The following SDK1 variants were observed in gnomAD, a reference collection of about 807,000 sequenced individuals.
SDK1 encodes protein sidekick-1.
A neutral mutation model predicts 245.5 loss-of-function variants in SDK1; 157 were observed. The observed-to-expected ratio is 0.64, with a 90% confidence interval of 0.56 to 0.73. The LOEUF is 0.73. Among genes scored for constraint, SDK1 ranks in the 30% least tolerant of loss-of-function variants. The pLI, the probability that SDK1 is intolerant of heterozygous loss-of-function variation, is 0.00. For synonymous variants in SDK1, 1,647 were observed against 1,278.5 expected (o/e 1.29, Z -6.15); for missense variants, 3,583 against 3,002.3 (o/e 1.19, Z -4.52).
intron 43 of SDK1, 145 bp downstream of exon 43, chr7:4,242,058 A>C: frequency 5.5e-6 from 5 of 900,920 alleles, no homozygotes; most frequent in Non-Finnish European, 8.3e-6. Context: ...GCGCTCCCAA[A>C]CCACCAGGGG....
At chr7:3,722,296 G>C (rs1322049191) in intron 4 of SDK1, among the ~76,000 whole-genome samples, 3 of 152,164 alleles carry the variant, frequency 2.0e-5, no homozygotes, top group Non-Finnish European at 4.4e-5. Context: ...CTATTAGAGA[G>C]ACAGGAGCCC....
intron 22 of SDK1, among the ~76,000 whole-genome samples, chr7:4,108,842 C>G (rs1363410966): frequency 6.6e-6 from 1 of 152,188 alleles, no homozygotes; most frequent in Non-Finnish European, 1.5e-5. Flanking sequence ...CCCTCCTCTC[C>G]CCATCCCCTG....
intron 4 of SDK1, among the ~76,000 whole-genome samples, chr7:3,756,504 T>C (rs114760848): frequency 0.011 from 1,739 of 152,304 alleles, 32 homozygotes; most frequent in African/African-American, 0.04. Flanking sequence ...ATTGTGCGTG[T>C]GAGACATGTG....
At chr7:3,828,125 A>T (rs1468840394) in intron 5 of SDK1, among the ~76,000 whole-genome samples, 3 of 151,930 alleles carry the variant, frequency 2.0e-5, no homozygotes, top group Non-Finnish European at 4.4e-5. Context: ...AAAATACAAA[A>T]ATTATAACTG....
intron 1 of SDK1, among the ~76,000 whole-genome samples, chr7:3,560,472 G>C (rs1303422418): frequency 6.6e-6 from 1 of 151,972 alleles, no homozygotes. Flanking sequence ...GTATCATTGG[G>C]TTTGACTTGA....
In SDK1 at chr7:4,265,367, T is replaced by A; in HGVS notation, c.6625T>A (p.Phe2209Ile). The A allele has an allele frequency of 3.5e-6, 5 of 1,446,542 alleles. No homozygotes were observed. The highest frequency in any genetic ancestry group is 4.5e-6 in the Non-Finnish European group (5 of 1,112,588). The allele number at this position is 1,446,542 out of a possible 1,614,324, so 89.6% of individuals were successfully genotyped here. ...CGGCGCGCGAACTCCGCTCACCGGC[T>A]TCTCCTCCTTCGTGTGAGCAAAGCG... Reference protein sequence around the residue: ...GPGARTPLTGFSSFV With the variant: ...GPGARTPLTGISSFV Residue 2209 changes from phenylalanine to isoleucine, a missense_variant, in exon 45 of 45, where the codon TTC (phenylalanine) becomes ATC (isoleucine). Physicochemically the swap from Phe to Ile is conservative, Grantham distance 21. Transcript: ENST00000404826.
intron 4 of SDK1, among the ~76,000 whole-genome samples, chr7:3,721,853 T>C (rs1778820580): frequency 6.6e-6 from 1 of 152,206 alleles, no homozygotes; most frequent in Non-Finnish European, 1.5e-5. Context: ...TCATGAACTG[T>C]CGGCCATCCT....
At chr7:3,580,882 C>G (rs141370705) in intron 1 of SDK1, among the ~76,000 whole-genome samples, 1 of 145,980 alleles carries the variant, frequency 6.9e-6, no homozygotes, top group African/African-American at 2.5e-5. Context: ...GCAGGAGAAT[C>G]GCTTGAACTG....
chr7:3,855,493 A>G (rs1408433192), intron 5 of SDK1, among the ~76,000 whole-genome samples: 1 of 152,230 alleles, frequency 6.6e-6, no homozygotes, highest in East Asian at 1.9e-4. Context: ...ACAAAAGTGA[A>G]TTCAACTTGA....
At chr7:3,598,422 G>C (rs1781140243) in intron 1 of SDK1, among the ~76,000 whole-genome samples, 1 of 152,008 alleles carries the variant, frequency 6.6e-6, no homozygotes, top group African/African-American at 2.4e-5. Context: ...GATCATTGTA[G>C]ACTCAAATGC....
intron 12 of SDK1, among the ~76,000 whole-genome samples, chr7:3,972,220 C>G (rs188306897): frequency 3.9e-5 from 6 of 152,034 alleles, no homozygotes; most frequent in Admixed American, 3.3e-4. Context: ...GCTGGGACTA[C>G]AAGTGCCTGC....
chr7:3,386,793 A>G (rs749671107), intron 1 of SDK1, among the ~76,000 whole-genome samples: 3 of 152,132 alleles, frequency 2.0e-5, no homozygotes, highest in Non-Finnish European at 4.4e-5. Context: ...TGCTATCACC[A>G]TGTTTATCTT....
chr7:3,702,563 C>A (rs1208500085), intron 4 of SDK1, among the ~76,000 whole-genome samples: 1 of 152,186 alleles, frequency 6.6e-6, no homozygotes, highest in African/African-American at 2.4e-5. Flanking sequence ...TTCATTCATA[C>A]CTGCTTCTGG....
At chr7:4,142,761 C>G (rs926369888) in intron 28 of SDK1, among the ~76,000 whole-genome samples, 6 of 152,254 alleles carry the variant, frequency 3.9e-5, no homozygotes, top group Admixed American at 2.0e-4. Context: ...CTGTGCCTGG[C>G]TGCTTTGCAC....
chr7:3,904,918 G>T (rs924327792), intron 5 of SDK1, among the ~76,000 whole-genome samples: 1 of 151,706 alleles, frequency 6.6e-6, no homozygotes, highest in Non-Finnish European at 1.5e-5. Flanking sequence ...GCGTGAACCC[G>T]GGAGGTGGAG....
At chr7:4,073,177 C>T (rs1038440678) in intron 20 of SDK1, among the ~76,000 whole-genome samples, 1 of 152,196 alleles carries the variant, frequency 6.6e-6, no homozygotes, top group Non-Finnish European at 1.5e-5. Flanking sequence ...CTCCTCTCTC[C>T]TCTGGGAGCT....
At chr7:3,603,753 C>T (rs1213728665) in intron 1 of SDK1, among the ~76,000 whole-genome samples, 4 of 152,138 alleles carry the variant, frequency 2.6e-5, no homozygotes, top group Non-Finnish European at 4.4e-5. Flanking sequence ...GCATCCCTGT[C>T]TTGTGCCCGT....
chr7:4,207,336 C>A (rs185452315), intron 36 of SDK1, among the ~76,000 whole-genome samples: 3 of 152,194 alleles, frequency 2.0e-5, no homozygotes, highest in Admixed American at 2.0e-4. Context: ...TGTCTTTGGG[C>A]AGCCTGGCTG....
chr7:3,580,980 A>AAAAAAC lies in SDK1; in HGVS notation c.299-38095_299-38094insCAAAAA, dbSNP rs1780463461. On this transcript the variant is annotated intron_variant, in intron 1 of 44. Coordinates refer to ENST00000404826, the MANE Select transcript of SDK1 (RefSeq NM_152744.4). Reference sequence around the variant, plus strand: ...CAAGACTCCATCTCAAAAAAAAAAAAAAAAAAAAAAAAAACCAAAACAAAA... The same window carrying AAAAAAC: ...CAAGACTCCATCTCAAAAAAAAAAAAAAAAACAAAAAAAAAAAAAACCAAAACAAAA... Among the ~76,000 whole-genome samples the AAAAAAC allele has an allele frequency of 3.6e-5, 5 of 139,148 alleles. 1 individual carries two copies. Among genetic ancestry groups the AAAAAAC allele is most frequent in the South Asian group, 5.2e-4 (2 of 3,822 alleles). 91.3% of individuals were successfully genotyped at this position (139,148 alleles called of 152,430 possible).
Sources: gnomAD v4.1 joint callset for allele counts (sites outside exome capture counted in the v4.1 genomes callset) on GRCh38, gnomAD v4.1.1 for gene constraint, MANE v1.5 for transcripts, NCBI Gene and HGNC (gene_info 2026-07-23, HGNC 2026-07-21) for gene names.